CACNA1A: variants seen among roughly 807,000 people sequenced by gnomAD.
CACNA1A encodes calcium voltage-gated channel subunit alpha1 A, also known as voltage-dependent P/Q-type calcium channel subunit alpha-1A.
A neutral mutation model predicts 262.4 loss-of-function variants in CACNA1A; 57 were observed. That is an observed-to-expected ratio of 0.22 (90% CI 0.18 to 0.27). The LOEUF is 0.27. Among genes scored for constraint, CACNA1A ranks in the 10% least tolerant of loss-of-function variants. The pLI is 1.00. For missense variants in CACNA1A, 2,526 were observed against 3,562.8 expected, an observed-to-expected ratio of 0.71 and a Z score of 7.41; for synonymous variants, 1,431 against 1,419.3, an observed-to-expected ratio of 1.01 and a Z score of -0.18.
At position 13,214,663 on chromosome 19, in the gene CACNA1A, CTGG is replaced by C; in HGVS notation, c.5732-58_5732-56del. On this transcript the variant is annotated intron_variant, in intron 38 of 46. Transcript: ENST00000360228. The surrounding 1 kb of genome is among the most constrained non-coding windows in gnomAD (Gnocchi z 4.1). The stretch of plus-strand genomic sequence containing the variant: ...TGCCTGCCTGGGTGTCAGCTGGACT[CTGG>C]GTCAGCTGCAAAGCCATAGGCTCCC... The C allele has an allele frequency of 7.3e-7, 1 of 1,364,218 alleles. No individual in the cohort carries two copies. Among genetic ancestry groups the C allele is most frequent in the Non-Finnish European group, 1.0e-6 (1 of 964,840 alleles). The allele number at this position is 1,364,218 out of a possible 1,614,324, so 84.5% of individuals were successfully genotyped here.
Position 13,464,427 on chromosome 19 carries a change from T to A in CACNA1A, c.294-9215A>T, listed in dbSNP as rs533783243. On this transcript the variant is annotated intron_variant, in intron 1 of 46. Coordinates refer to ENST00000360228, the MANE Select transcript of CACNA1A (RefSeq NM_001127222.2). ...AAATAAATAAATACATACATTTTTTTAAAAAAGAAAACTTAATATGCTTAT... is the reference window on the plus strand; with the variant it reads ...AAATAAATAAATACATACATTTTTTAAAAAAAGAAAACTTAATATGCTTAT... 1.3e-3 allele frequency among the ~76,000 whole-genome samples: 192 copies of A among 151,988 alleles called. 1 individual carries two copies. The highest frequency in any genetic ancestry group is 4.2e-3 in the Admixed American group (64 of 15,262).
intron 1 of CACNA1A, among the ~76,000 whole-genome samples, chr19:13,477,391 G>A (rs76600451): frequency 6.6e-6 from 1 of 152,208 alleles, no homozygotes; most frequent in African/African-American, 2.4e-5. Flanking sequence ...CCAGAGGGCA[G>A]GGACTTTTGT....
intron 7 of CACNA1A, among the ~76,000 whole-genome samples, chr19:13,334,767 G>C (rs1340135820): frequency 1.3e-5 from 2 of 152,084 alleles, no homozygotes; most frequent in African/African-American, 4.8e-5. Flanking sequence ...AGGCACAGTG[G>C]CTCATGTCTG....
chr19:13,331,872 C>T (rs1429093724), intron 9 of CACNA1A, among the ~76,000 whole-genome samples: 3 of 152,084 alleles, frequency 2.0e-5, no homozygotes, highest in Admixed American at 2.0e-4. Flanking sequence ...GTTGCCCAGG[C>T]TGGTCTTGAA....
At chr19:13,354,869 CTTTTTTTTT>C (rs56350383) in intron 6 of CACNA1A, among the ~76,000 whole-genome samples, 30 of 115,062 alleles carry the variant, frequency 2.6e-4, no homozygotes, top group East Asian at 1.0e-3. Context: ...TTTTCTTTTT[CTTTTTTTTT>C]TTTTTTTTTT....
In CACNA1A at chr19:13,212,686, C is replaced by G. The variant is rs1314467957; in HGVS notation, c.5995G>C (p.Gly1999Arg). ...RMEPPSPTQE[G>R]GPGQNALPST... is the part of the protein sequence containing the mutation. ...GGGAGGGCGTTCTGGCCAGGTCCCC[C>G]TTCCTGCGTTGGGGACGGGGGCTCC... The change falls in exon 41 of 47, where the codon GGG (glycine) becomes CGG (arginine). Residue 1999 changes from glycine (G) to arginine (R), a missense_variant. Coordinates refer to ENST00000360228, the MANE Select transcript of CACNA1A (RefSeq NM_001127222.2). The surrounding 1 kb of genome is among the most constrained non-coding windows in gnomAD (Gnocchi z 5.6). 6.6e-7 allele frequency: 1 copy of G among 1,510,854 alleles called. No individual in the cohort carries two copies. Among genetic ancestry groups the G allele is most frequent in the East Asian group, 2.3e-5 (1 of 43,618 alleles). The allele number at this position is 1,510,854 out of a possible 1,614,324, so 93.6% of individuals were successfully genotyped here.
Position 13,287,004 on chromosome 19 carries a change from G to C in CACNA1A, c.3090-38C>G, listed in dbSNP as rs576111099. On this transcript the variant is annotated intron_variant, in intron 19 of 46. Transcript: ENST00000360228. ...AGTGAATGAAAAAGAACCAACAACT[G>C]ATTTAGGATAAAAGGCAACAGTTCA... 2.9e-5 allele frequency: 43 copies of C among 1,468,716 alleles called. 1 individual carries two copies. In the South Asian group the frequency reaches 5.1e-4, roughly 17 times the overall value. 91.0% of individuals were successfully genotyped at this position (1,468,716 alleles called of 1,614,324 possible). A position where few individuals can be genotyped will look rare whatever the true frequency, so the allele number is the denominator to read the frequency against.
At chr19:13,374,031 A>G (rs2059366217) in intron 3 of CACNA1A, among the ~76,000 whole-genome samples, 1 of 152,218 alleles carries the variant, frequency 6.6e-6, no homozygotes, top group Admixed American at 6.5e-5. Flanking sequence ...CTTCAAGTCA[A>G]GTTCCCATAG....
chr19:13,275,610 CGTT>C, intron 24 of CACNA1A: 1 of 546,404 alleles, frequency 1.8e-6, no homozygotes, highest in Non-Finnish European at 3.3e-6. Flanking sequence ...GGCTGAGGCC[CGTT>C]GCTGTGTGAG....
At chr19:13,429,324 G>A (rs1338758517) in intron 3 of CACNA1A, among the ~76,000 whole-genome samples, 1 of 151,630 alleles carries the variant, frequency 6.6e-6, no homozygotes, top group African/African-American at 2.4e-5. Context: ...TTGCGATATT[G>A]TGTCTCAGAT....
intron 3 of CACNA1A, chr19:13,451,577 T>C (rs1479923927): frequency 6.6e-6 from 1 of 152,322 alleles, no homozygotes; most frequent in Non-Finnish European, 1.5e-5. Flanking sequence ...CTAAGCACAA[T>C]CTGATACTTC....
At chr19:13,250,960 C>A (rs62108597) in intron 30 of CACNA1A, among the ~76,000 whole-genome samples, 29,464 of 151,038 alleles carry the variant, frequency 0.2, 3,002 homozygotes, top group Middle Eastern at 0.3. Flanking sequence ...GGTGAAACCC[C>A]GTCTCTACTA....
chr19:13,242,831 T>C (rs2056115588), intron 31 of CACNA1A, among the ~76,000 whole-genome samples: 2 of 152,126 alleles, frequency 1.3e-5, no homozygotes, highest in Non-Finnish European at 2.9e-5. Context: ...TTAGCCCCAC[T>C]CTACATGAGA....
intron 28 of CACNA1A, among the ~76,000 whole-genome samples, chr19:13,255,783 T>TCTCTC (rs2056546832): frequency 1.5e-5 from 1 of 68,428 alleles, no homozygotes. Flanking sequence ...CTCCTTTCCT[T>TCTCTC]CCTTCCTCCC....
At chr19:13,252,961 C>A in intron 30 of CACNA1A, 30 bp downstream of exon 30, 1 of 1,458,704 alleles carries the variant, frequency 6.9e-7, no homozygotes. Context: ...TCTCCCAAGC[C>A]CATAGCTGTA....
intron 31 of CACNA1A, among the ~76,000 whole-genome samples, chr19:13,242,720 C>A (rs1201282055): frequency 6.6e-6 from 1 of 152,214 alleles, no homozygotes; most frequent in East Asian, 1.9e-4. Context: ...CTGTCTCCAG[C>A]ACTTATAATC....
Position 13,241,041 on chromosome 19 carries a change from G to A in CACNA1A, c.4950+4141C>T, listed in dbSNP as rs1020469094. On this transcript the variant is annotated intron_variant, in intron 31 of 46. Coordinates refer to ENST00000360228, the MANE Select transcript of CACNA1A (RefSeq NM_001127222.2). The surrounding 1 kb of genome is among the most constrained non-coding windows in gnomAD (Gnocchi z 4.0). ...CTGGTCAAGGCCAAAGATCTTGTGGGCTTGAGATGGAGGATTGGGGACAGC... is the reference window on the plus strand; with the variant it reads ...CTGGTCAAGGCCAAAGATCTTGTGGACTTGAGATGGAGGATTGGGGACAGC... 2.0e-5 allele frequency among the ~76,000 whole-genome samples: 3 copies of A among 152,214 alleles called. No homozygotes were observed. Among genetic ancestry groups the A allele is most frequent in the African/African-American group, 7.2e-5 (3 of 41,456 alleles).
rs1015798325 is a variant in CACNA1A, at chr19:13,371,759, G to A, written c.560C>T (p.Thr187Met). ...VLTGILATVG[T>M]EFDLRTLRAV... ...CCTCAGCGTCCGTAGGTCAAACTCC[G>A]TCCCAACTGTCGCCAAGATGCTGAA... Residue 187 changes from threonine to methionine, a missense_variant, in exon 4 of 47, where the codon ACG (threonine) becomes ATG (methionine). Around this residue, in one of 17 missense-constraint regions of CACNA1A, gnomAD observed 77 missense variants for 228.4 expected, o/e 0.34. Coordinates refer to ENST00000360228, the MANE Select transcript of CACNA1A (RefSeq NM_001127222.2). 2 of 1,574,656 alleles carry A rather than the reference G, an allele frequency of 1.3e-6. No individual in the cohort carries two copies. Among genetic ancestry groups the A allele is most frequent in the Non-Finnish European group, 1.7e-6 (2 of 1,160,082 alleles).
At position 13,214,176 on chromosome 19, in the gene CACNA1A, G is replaced by A. The variant is rs1568425540; in HGVS notation, c.5940+57C>T. ...CCTCATATTCCAGTTGGTTCCCGTG[G>A]TGACATGCAAGCCACTGTCCCCAGC... On this transcript the variant is annotated intron_variant, in intron 40 of 46. Transcript: ENST00000360228. The surrounding 1 kb of genome is among the most constrained non-coding windows in gnomAD (Gnocchi z 4.1). 2.1e-6 allele frequency: 3 copies of A among 1,413,838 alleles called. No individual in the cohort carries two copies. The highest frequency in any genetic ancestry group is 2.9e-6 in the Non-Finnish European group (3 of 1,025,694). The allele number at this position is 1,413,838 out of a possible 1,614,324, so 87.6% of individuals were successfully genotyped here. A position where few individuals can be genotyped will look rare whatever the true frequency, so the allele number is the denominator to read the frequency against.
Sources: allele counts gnomAD v4.1 joint callset (sites outside exome capture counted in the v4.1 genomes callset), GRCh38; gene constraint gnomAD v4.1.1; regional missense constraint gnomAD v4.1.1; non-coding constraint Gnocchi (gnomAD v3.1); transcripts MANE v1.5; gene names NCBI Gene and HGNC (gene_info 2026-07-23, HGNC 2026-07-21).